Variants in MIPOL1 observed in about 807,000 individuals in gnomAD.
MIPOL1 encodes the protein mirror-image polydactyly 1.
A neutral mutation model predicts 60.9 loss-of-function variants in MIPOL1; 57 were observed. That is an observed-to-expected ratio of 0.94 (90% CI 0.76 to 1.17). The LOEUF (loss-of-function observed/expected upper bound fraction) is 1.17. Ranked by LOEUF, MIPOL1 falls within the 50% of genes most tolerant of loss-of-function variation. The pLI is 0.00. For missense variants in MIPOL1, 551 were observed against 511.6 expected (o/e 1.08, Z -0.74); for synonymous variants, 179 against 168.8 (o/e 1.06, Z -0.47).
At chr14:37,221,957 C>A (rs1448243987) in intron 1 of MIPOL1, among the ~76,000 whole-genome samples, 1 of 151,674 alleles carries the variant, frequency 6.6e-6, no homozygotes, top group Admixed American at 6.6e-5. Context: ...GTCCAAACTC[C>A]AGTCTTATTG....
chr14:37,377,326 A>C (rs1405670065), intron 10 of MIPOL1, among the ~76,000 whole-genome samples: 1 of 152,074 alleles, frequency 6.6e-6, no homozygotes, highest in Non-Finnish European at 1.5e-5. Context: ...TGTTTTCCTT[A>C]GATAAGGGCA....
chr14:37,336,653 G>C (rs184226778), intron 9 of MIPOL1, among the ~76,000 whole-genome samples: 2 of 151,860 alleles, frequency 1.3e-5, no homozygotes, highest in African/African-American at 4.8e-5. Context: ...GATAATTCCA[G>C]TATCCCTGCC....
At chr14:37,440,647 A>G (rs1321185915) in intron 11 of MIPOL1, among the ~76,000 whole-genome samples, 1 of 152,180 alleles carries the variant, frequency 6.6e-6, no homozygotes, top group Non-Finnish European at 1.5e-5. Context: ...TTGTGTATAT[A>G]TGCCCTATTT....
chr14:37,311,391 G>A, intron 9 of MIPOL1, among the ~76,000 whole-genome samples: 1 of 152,036 alleles, frequency 6.6e-6, no homozygotes, highest in South Asian at 2.1e-4. Context: ...GGTATAAAAG[G>A]ATAAATAAAT....
At chr14:37,530,839 A>G (rs981275813) in intron 12 of MIPOL1, among the ~76,000 whole-genome samples, 6 of 150,632 alleles carry the variant, frequency 4.0e-5, no homozygotes, top group African/African-American at 1.5e-4. Flanking sequence ...TTTTTTTAAG[A>G]TGGAGTCTCA....
rs115860192 is a variant in MIPOL1 at position 37,431,229 on chromosome 14, C to T, written c.1031+8280C>T. On this transcript the variant is annotated intron_variant, in intron 11 of 12. Coordinates refer to ENST00000684589, the MANE Select transcript of MIPOL1 (RefSeq NM_001388067.1). ...CTCAGAATCACTATTATTATAGGTC[C>T]ACAGGTGGCAATTGCCTCCTACATA... 4.6e-3 allele frequency among the ~76,000 whole-genome samples: 707 copies of T among 152,246 alleles called. 4 individuals carry two copies. The highest frequency in any genetic ancestry group is 0.015 in the African/African-American group (627 of 41,554).
intron 12 of MIPOL1, among the ~76,000 whole-genome samples, chr14:37,541,582 T>G (rs888004456): frequency 1.1e-4 from 17 of 152,224 alleles, no homozygotes; most frequent in Admixed American, 1.0e-3. Context: ...AAATCCCTGG[T>G]CACCTCCCTT....
At chr14:37,239,573 AT>A (rs1475071367) in intron 1 of MIPOL1, among the ~76,000 whole-genome samples, 1 of 152,198 alleles carries the variant, frequency 6.6e-6, no homozygotes, top group Non-Finnish European at 1.5e-5. Context: ...TGAAATTATA[AT>A]TTTAAGTTGC....
intron 11 of MIPOL1, among the ~76,000 whole-genome samples, chr14:37,425,575 C>A (rs2093947589): frequency 6.6e-6 from 1 of 152,222 alleles, no homozygotes; most frequent in Non-Finnish European, 1.5e-5. Flanking sequence ...TGAACCTCAC[C>A]AAGCTCCTTT....
At chr14:37,498,578 G>T (rs2095168166) in intron 11 of MIPOL1, among the ~76,000 whole-genome samples, 1 of 152,094 alleles carries the variant, frequency 6.6e-6, no homozygotes, top group African/African-American at 2.4e-5. Flanking sequence ...GAGAAGAAAT[G>T]AAGTAGGGAT....
intron 7 of MIPOL1, among the ~76,000 whole-genome samples, chr14:37,290,428 A>G (rs1254927244): frequency 2.0e-5 from 3 of 151,906 alleles, no homozygotes; most frequent in South Asian, 2.1e-4. Context: ...GTTTCACCAC[A>G]TTGGCCAGGC....
At chr14:37,219,344 C>T (rs933867992) in intron 1 of MIPOL1, among the ~76,000 whole-genome samples, 1 of 152,148 alleles carries the variant, frequency 6.6e-6, no homozygotes, top group Admixed American at 6.5e-5. Context: ...AAAGTTTGGT[C>T]AAGGCAAGAT....
intron 10 of MIPOL1, among the ~76,000 whole-genome samples, chr14:37,402,566 G>A (rs1341477280): frequency 6.6e-6 from 1 of 152,118 alleles, no homozygotes; most frequent in Non-Finnish European, 1.5e-5. Flanking sequence ...AAATTGAAAT[G>A]CATTGAAATT....
At position 37,197,998 on chromosome 14, in the gene MIPOL1, G is replaced by A. The variant is rs1964608441; in HGVS notation, c.-305G>A. ...TCTGTGGGTGAGTCTCGAGCCAGGA[G>A]GCTCTGAGCCAGTGGCGATTGGCTG... On this transcript the variant is annotated 5_prime_UTR_variant, in exon 1 of 13. Coordinates refer to ENST00000684589, the MANE Select transcript of MIPOL1 (RefSeq NM_001388067.1). 1 of 152,272 alleles carries A rather than the reference G, an allele frequency of 6.6e-6. No individual in the cohort carries two copies. Among genetic ancestry groups the A allele is most frequent in the Non-Finnish European group, 1.5e-5 (1 of 68,084 alleles). The allele number at this position is 152,272 out of a possible 1,614,324, so 9.4% of individuals were successfully genotyped here. A position where few individuals can be genotyped will look rare whatever the true frequency, so the allele number is the denominator to read the frequency against.
intron 9 of MIPOL1, among the ~76,000 whole-genome samples, chr14:37,329,601 T>C (rs754768380): frequency 2.8e-4 from 43 of 152,130 alleles, no homozygotes; most frequent in Non-Finnish European, 1.0e-4. Context: ...ACTTAAGTAA[T>C]TGACAGCTCT....
chr14:37,236,458 A>G (rs1435587744), intron 1 of MIPOL1, among the ~76,000 whole-genome samples: 1 of 151,456 alleles, frequency 6.6e-6, no homozygotes, highest in Non-Finnish European at 1.5e-5. Context: ...TATTATTATT[A>G]TTTTTGAGAC....
At chr14:37,232,155 G>T (rs902386426) in intron 1 of MIPOL1, among the ~76,000 whole-genome samples, 1 of 152,106 alleles carries the variant, frequency 6.6e-6, no homozygotes, top group Non-Finnish European at 1.5e-5. Context: ...GACTTCTGCA[G>T]TGTACCTAAT....
At chr14:37,367,088 C>G (rs1437551581) in intron 9 of MIPOL1, among the ~76,000 whole-genome samples, 2 of 151,956 alleles carry the variant, frequency 1.3e-5, no homozygotes, top group East Asian at 3.9e-4. Context: ...AGGATAGTAT[C>G]TTTATCTGCT....
intron 3 of MIPOL1, among the ~76,000 whole-genome samples, chr14:37,264,477 G>T (rs117110376): frequency 0.038 from 5,737 of 151,680 alleles, 147 homozygotes; most frequent in Non-Finnish European, 0.056. Flanking sequence ...AAAAAAATTA[G>T]TGAGGCATGG....
Sources: allele counts gnomAD v4.1 joint callset (sites outside exome capture counted in the v4.1 genomes callset), GRCh38; gene constraint gnomAD v4.1.1; transcripts MANE v1.5; gene names NCBI Gene and HGNC (gene_info 2026-07-23, HGNC 2026-07-21).